EFHC1: variants seen among roughly 807,000 people sequenced by gnomAD.
EFHC1 encodes EF-hand domain-containing protein 1.
Under a neutral mutation model 69.9 loss-of-function variants are expected in EFHC1, and 53 were observed. That is an observed-to-expected ratio of 0.76 (90% confidence interval 0.61 to 0.95). The LOEUF (loss-of-function observed/expected upper bound fraction) is 0.95. EFHC1 is among the 40% of genes least tolerant of loss of function. EFHC1 has a pLI of 0.00. For missense variants in EFHC1, 739 were observed against 798.7 expected, an observed-to-expected ratio of 0.93 and a Z score of 0.90; for synonymous variants, 256 against 278.4, an observed-to-expected ratio of 0.92 and a Z score of 0.80.
At chr6:52,485,997 G>A (rs1765778225) in intron 9 of EFHC1, 1 of 152,138 alleles carries the variant, frequency 6.6e-6, no homozygotes, top group African/African-American at 2.4e-5. Context: ...AAAACACATG[G>A]AGACGATACA....
chr6:52,435,116 G>A (rs1174015854), intron 2 of EFHC1, among the ~76,000 whole-genome samples: 1 of 152,080 alleles, frequency 6.6e-6, no homozygotes, highest in Non-Finnish European at 1.5e-5. Flanking sequence ...TTCATGGCTT[G>A]AAATGTCCTC....
chr6:52,479,629 C>A lies in EFHC1; in HGVS notation c.1493-11C>A. The A allele has an allele frequency of 6.2e-7, 1 of 1,614,168 alleles. No individual in the cohort carries two copies. Among genetic ancestry groups the A allele is most frequent in the Non-Finnish European group, 8.5e-7 (1 of 1,180,016 alleles). On this transcript the variant is annotated splice_polypyrimidine_tract_variant and intron_variant, in intron 8 of 10. Coordinates refer to ENST00000371068, the MANE Select transcript of EFHC1 (RefSeq NM_018100.4). ...ATCACCAAGCTAAGTGTGTTGCTACCTTCTCTCCAGTGTTTGGTCACCGGT... is the reference window on the plus strand; with the variant it reads ...ATCACCAAGCTAAGTGTGTTGCTACATTCTCTCCAGTGTTTGGTCACCGGT...
At chr6:52,425,922 A>G (rs1764290856) in intron 2 of EFHC1, among the ~76,000 whole-genome samples, 1 of 152,300 alleles carries the variant, frequency 6.6e-6, no homozygotes, top group South Asian at 2.1e-4. Flanking sequence ...AAAGACCAGG[A>G]CATCTATTCC....
At chr6:52,442,793 T>C (rs1487570479) in intron 3 of EFHC1, among the ~76,000 whole-genome samples, 1 of 152,248 alleles carries the variant, frequency 6.6e-6, no homozygotes, top group Admixed American at 6.5e-5. Flanking sequence ...TGATTTATAA[T>C]CCTTTGGGTA....
chr6:52,451,294 G>A (rs1409133516), intron 3 of EFHC1, among the ~76,000 whole-genome samples: 2 of 152,086 alleles, frequency 1.3e-5, no homozygotes, highest in Non-Finnish European at 2.9e-5. Context: ...TCCATATTTA[G>A]TGCTCCTTTT....
rs1159097315 is a variant in EFHC1 at position 52,453,576 on chromosome 6, T to C, written c.724-519T>C. ...ATCAGTCATATATCTGTTATTATTT[T>C]GTATTTAAAGATTGTGTTTATTCCC... On this transcript the variant is annotated intron_variant, in intron 4 of 10. Transcript: ENST00000371068. The C allele has an allele frequency of 1.0e-5, 13 of 1,277,778 alleles. No individual in the cohort carries two copies. The South Asian group carries it at 1.4e-4, about 14-fold the overall frequency. The allele number at this position is 1,277,778 out of a possible 1,614,324, so 79.2% of individuals were successfully genotyped here.
chr6:52,454,392 C>A, intron 5 of EFHC1, 105 bp downstream of exon 5: 1 of 1,408,164 alleles, frequency 7.1e-7, no homozygotes, highest in Non-Finnish European at 9.9e-7. Flanking sequence ...AAGCCTCTAG[C>A]TATTTTTGCT....
chr6:52,445,862 G>A (rs1053822075), intron 3 of EFHC1, among the ~76,000 whole-genome samples: 45 of 152,296 alleles, frequency 3.0e-4, no homozygotes, highest in African/African-American at 9.6e-4. Context: ...CCATGTAGTT[G>A]AGTGGTTTTG....
At chr6:52,453,800 T>C in intron 4 of EFHC1, 1 of 1,288,224 alleles carries the variant, frequency 7.8e-7, no homozygotes, top group Non-Finnish European at 1.0e-6. Context: ...CATTGCTCTT[T>C]TAATTTAGCT....
chr6:52,420,825 A>C (rs1764173904), intron 1 of EFHC1, among the ~76,000 whole-genome samples: 1 of 148,070 alleles, frequency 6.8e-6, no homozygotes, highest in Non-Finnish European at 1.5e-5. Flanking sequence ...TGTTTCCCCC[A>C]CCCTACTCCC....
rs907394290 is a variant in EFHC1, at chr6:52,493,086, G to T, written c.*745G>T. On this transcript the variant is annotated 3_prime_UTR_variant, in exon 11 of 11. Transcript: ENST00000371068. The stretch of plus-strand genomic sequence containing the variant: ...AAGGCTGACCTTTCCCCAGGTAAGA[G>T]AATTCCTCCTGCCTGACTGGCTTCA... The T allele has an allele frequency of 2.2e-6, 1 of 454,050 alleles. No homozygotes were observed. Among genetic ancestry groups the T allele is most frequent in the Admixed American group, 2.3e-5 (1 of 42,558 alleles). 28.1% of individuals were successfully genotyped at this position (454,050 alleles called of 1,614,324 possible).
At chr6:52,434,553 G>A in intron 2 of EFHC1, among the ~76,000 whole-genome samples, 1 of 152,110 alleles carries the variant, frequency 6.6e-6, no homozygotes, top group East Asian at 1.9e-4. Flanking sequence ...GGTCCTACAA[G>A]AGCAATTTGC....
chr6:52,443,116 C>T (rs1349113192), intron 3 of EFHC1, among the ~76,000 whole-genome samples: 1 of 152,118 alleles, frequency 6.6e-6, no homozygotes, highest in Non-Finnish European at 1.5e-5. Flanking sequence ...TATCCTTCGC[C>T]CACTTTTTGA....
chr6:52,496,456 C>T lies in EFHC1; in HGVS notation c.*4115C>T, dbSNP rs1766064303. The T allele has an allele frequency of 6.6e-6, 1 of 152,148 alleles. No individual in the cohort carries two copies. Among genetic ancestry groups the T allele is most frequent in the African/African-American group, 2.4e-5 (1 of 41,416 alleles). The allele number at this position is 152,148 out of a possible 1,614,324, so 9.4% of individuals were successfully genotyped here. On this transcript the variant is annotated 3_prime_UTR_variant, in exon 11 of 11. Transcript: ENST00000371068. ...ACCATCCAATTAAGGTGTATCAAAT[C>T]CATATCTATAGGCTTTGAGGGTATT...
chr6:52,470,425 A>G (rs1765411919), intron 7 of EFHC1, among the ~76,000 whole-genome samples: 1 of 152,236 alleles, frequency 6.6e-6, no homozygotes, highest in Admixed American at 6.5e-5. Context: ...TATGGTAACT[A>G]TAACTCCTTA....
chr6:52,482,551 A>T (rs1182932303), intron 9 of EFHC1: 1 of 361,240 alleles, frequency 2.8e-6, no homozygotes. Flanking sequence ...ATAACTTATG[A>T]TGCAGACTGA....
chr6:52,462,420 A>G (rs899559709), intron 5 of EFHC1, among the ~76,000 whole-genome samples: 4 of 151,844 alleles, frequency 2.6e-5, no homozygotes, highest in African/African-American at 9.7e-5. Context: ...AAGAAATTAA[A>G]AGAAGGAAAT....
intron 2 of EFHC1, 149 bp downstream of exon 2, chr6:52,424,316 A>G: frequency 1.3e-6 from 1 of 772,894 alleles, no homozygotes; most frequent in Non-Finnish European, 2.2e-6. Flanking sequence ...TGGACAGCTG[A>G]ACTCAGGCTA....
rs749838602 is a variant in EFHC1, at chr6:52,479,045, C to G, written c.1287C>G (p.Pro429=). Residue 429 remains proline (P), a synonymous_variant, in exon 8 of 11, where the codon CCC becomes CCG. Coordinates refer to ENST00000371068, the MANE Select transcript of EFHC1 (RefSeq NM_018100.4). ...TTTCTTCACCTTTGTAGGAATCCCC[C>G]ATCCCAGAAGACAAAGACCGCAGAT... is the stretch of plus-strand genomic sequence containing the variant. The part of the protein sequence containing the change: ...VLRYLAVLES[P]IPEDKDRRFV... The G allele has an allele frequency of 3.7e-6, 6 of 1,613,638 alleles. No individual in the cohort carries two copies. Among genetic ancestry groups the G allele is most frequent in the South Asian group, 1.1e-5 (1 of 91,064 alleles).
Sources: gnomAD v4.1 joint callset for allele counts (sites outside exome capture counted in the v4.1 genomes callset) on GRCh38, gnomAD v4.1.1 for gene constraint, MANE v1.5 for transcripts, NCBI Gene and HGNC (gene_info 2026-07-23, HGNC 2026-07-21) for gene names.